AGO3: variants seen among roughly 807,000 people sequenced by gnomAD.
The protein encoded by AGO3 is protein argonaute-3.
A neutral mutation model predicts 105.5 loss-of-function variants in AGO3; 16 were observed. The ratio of observed to expected loss-of-function variants is 0.15; its 90% CI spans 0.10 to 0.23. The LOEUF (loss-of-function observed/expected upper bound fraction) is 0.23. Ranked by LOEUF, AGO3 falls within the 10% of genes least tolerant of loss-of-function variation. AGO3 has a pLI of 1.00. For missense variants in AGO3, 534 were observed against 1,088.0 expected (o/e 0.49, Z 7.16); for synonymous variants, 340 against 367.3 (o/e 0.93, Z 0.85).
chr1:35,964,035 G>T (rs187149727), intron 2 of AGO3, among the ~76,000 whole-genome samples: 1 of 151,974 alleles, frequency 6.6e-6, no homozygotes, highest in African/African-American at 2.4e-5. Flanking sequence ...TATGTGTTAG[G>T]CATCAAAGCA....
intron 17 of AGO3, among the ~76,000 whole-genome samples, chr1:36,044,900 G>A (rs1321818278): frequency 2.0e-5 from 3 of 152,198 alleles, no homozygotes; most frequent in Non-Finnish European, 4.4e-5. Context: ...GGATGTCTGA[G>A]AGTCTATAAC....
intron 5 of AGO3, among the ~76,000 whole-genome samples, chr1:35,974,150 A>G (rs1646917046): frequency 6.6e-6 from 1 of 152,214 alleles, no homozygotes; most frequent in South Asian, 2.1e-4. Context: ...ATTTTCTTAT[A>G]GCAGCAATGG....
At chr1:35,931,001 C>T (rs568394282), upstream of AGO3, 2 of 353,406 alleles carry the variant, frequency 5.7e-6, no homozygotes, top group Admixed American at 4.7e-5. Context: ...CGCTCCTGCC[C>T]CGACGTCGCT....
intron 1 of AGO3, among the ~76,000 whole-genome samples, chr1:35,931,688 C>T (rs534429703): frequency 2.6e-5 from 4 of 152,382 alleles, no homozygotes; most frequent in South Asian, 4.1e-4. Context: ...TTGGGGTTAT[C>T]TAGGCGGCAT....
chr1:35,973,495 G>C lies in AGO3; in HGVS notation c.642G>C (p.Met214Ile), dbSNP rs761675753. Residue 214 changes from methionine (M) to isoleucine (I), a missense_variant, in exon 5 of 19, where the codon ATG becomes ATC. Coordinates refer to ENST00000373191, the MANE Select transcript of AGO3 (RefSeq NM_024852.4). ...HQSVRPAMWK[M>I]MLNIDVSATA... ...CTGTTCGGCCTGCCATGTGGAAAAT[G>C]ATGCTTAATATCGATGGTAAGGGAA... is the stretch of plus-strand genomic sequence containing the variant. The C allele has an allele frequency of 6.3e-7, 1 of 1,582,850 alleles. No individual in the cohort carries two copies. Among genetic ancestry groups the C allele is most frequent in the Non-Finnish European group, 8.6e-7 (1 of 1,160,710 alleles).
rs1439456359 is a variant in AGO3, at chr1:36,027,216, G to T, written c.1509G>T (p.Glu503Asp). 1 of 1,614,078 alleles carries T rather than the reference G, an allele frequency of 6.2e-7. No individual in the cohort carries two copies. Among genetic ancestry groups the T allele is most frequent in the Non-Finnish European group, 8.5e-7 (1 of 1,180,048 alleles). ...ATGCACAGGGGGCAGACAGCGTAGAGCCCATGTTCCGGCATCTCAAGAACA... is the reference window on the plus strand; with the variant it reads ...ATGCACAGGGGGCAGACAGCGTAGATCCCATGTTCCGGCATCTCAAGAACA... Reference protein sequence around the residue: ...CKYAQGADSVEPMFRHLKNTY... With the variant: ...CKYAQGADSVDPMFRHLKNTY... The change falls in exon 12 of 19, where the codon GAG (glutamate) becomes GAT (aspartate). Residue 503 changes from glutamate (E) to aspartate (D), a missense_variant. Coordinates refer to ENST00000373191, the MANE Select transcript of AGO3 (RefSeq NM_024852.4). The surrounding 1 kb of genome is among the most constrained non-coding windows in gnomAD (Gnocchi z 4.0).
At chr1:35,957,958 C>T (rs1195929755) in intron 2 of AGO3, among the ~76,000 whole-genome samples, 4 of 152,002 alleles carry the variant, frequency 2.6e-5, no homozygotes, top group African/African-American at 9.7e-5. Context: ...CCTAGCTACT[C>T]AGGAGGCTGA....
At chr1:35,988,490 A>G (rs1557667590) in intron 5 of AGO3, among the ~76,000 whole-genome samples, 1 of 151,924 alleles carries the variant, frequency 6.6e-6, no homozygotes, top group Non-Finnish European at 1.5e-5. Context: ...TGTTTCTGTG[A>G]GTTGAGCTTT....
intron 10 of AGO3, 77 bp downstream of exon 10, chr1:36,013,829 T>G: frequency 6.2e-7 from 1 of 1,601,140 alleles, no homozygotes; most frequent in Non-Finnish European, 8.5e-7. Flanking sequence ...CAGAAATATT[T>G]CAATTCAGCG....
intron 9 of AGO3, 40 bp downstream of exon 9, chr1:36,009,634 T>C: frequency 6.3e-7 from 1 of 1,582,892 alleles, no homozygotes; most frequent in Non-Finnish European, 8.6e-7. Flanking sequence ...TAAAACATAT[T>C]AGGGTGAACT....
chr1:35,945,609 A>G (rs1646348606), intron 1 of AGO3, 83 bp from the exon 2 acceptor site: 7 of 1,398,076 alleles, frequency 5.0e-6, no homozygotes, highest in Non-Finnish European at 6.9e-6. Flanking sequence ...AGCTGTACTT[A>G]TAATTCTAAT....
Position 36,008,848 on chromosome 1 carries a change from C to G in AGO3, c.882-49C>G, listed in dbSNP as rs777194775. ...CTAGTTAGTGGGGTTGGGAGTTTTT[C>G]TGGCTCATAATGGGCAAGAATTGTT... On this transcript the variant is annotated intron_variant, in intron 7 of 18. Transcript: ENST00000373191. The surrounding 1 kb of genome is among the most constrained non-coding windows in gnomAD (Gnocchi z 5.1). 1 of 1,614,002 alleles carries G rather than the reference C, an allele frequency of 6.2e-7. No individual in the cohort carries two copies. Among genetic ancestry groups the G allele is most frequent in the Non-Finnish European group, 8.5e-7 (1 of 1,179,998 alleles).
Position 36,013,691 on chromosome 1 carries a change from A to G in AGO3, c.1211A>G (p.Asp404Gly). Reference sequence around the variant, plus strand: ...CAGGAGTTTCAATTTAAAGTTCGGGATGAAATGGCTCATGTAACTGGACGC... The same window carrying G: ...CAGGAGTTTCAATTTAAAGTTCGGGGTGAAATGGCTCATGTAACTGGACGC... ...FVQEFQFKVR[D>G]EMAHVTGRVL... Residue 404 changes from aspartate to glycine, a missense_variant, in exon 10 of 19, where the codon GAT becomes GGT. Physicochemically the swap from Asp to Gly is moderately conservative, Grantham distance 94 (BLOSUM62 -1). Coordinates refer to ENST00000373191, the MANE Select transcript of AGO3 (RefSeq NM_024852.4). 6.2e-7 allele frequency: 1 copy of G among 1,614,214 alleles called. No individual in the cohort carries two copies. Among genetic ancestry groups the G allele is most frequent in the South Asian group, 1.1e-5 (1 of 91,084 alleles).
chr1:36,035,242 A>G (rs561296831), intron 13 of AGO3, among the ~76,000 whole-genome samples: 1 of 152,286 alleles, frequency 6.6e-6, no homozygotes, highest in Non-Finnish European at 1.5e-5. Flanking sequence ...CTACAAAAAA[A>G]TAGAAAGATT....
chr1:36,015,568 G>A (rs1320382676), intron 11 of AGO3, among the ~76,000 whole-genome samples: 1 of 152,152 alleles, frequency 6.6e-6, no homozygotes, highest in East Asian at 1.9e-4. Flanking sequence ...GCTACCTATA[G>A]GCTACCAGCC....
intron 8 of AGO3, 148 bp from the exon 9 acceptor site, chr1:36,009,327 C>G (rs1336390244): frequency 5.2e-6 from 5 of 966,908 alleles, no homozygotes; most frequent in Non-Finnish European, 7.5e-6. Context: ...GTAGAGCTGT[C>G]TTGTTTACTA....
chr1:35,985,999 C>T (rs1208309911), intron 5 of AGO3, among the ~76,000 whole-genome samples: 2 of 152,154 alleles, frequency 1.3e-5, no homozygotes, highest in African/African-American at 4.8e-5. Flanking sequence ...CCATTTTCTA[C>T]GCATCAGATT....
chr1:35,973,647 C>A lies in AGO3; in HGVS notation c.658+136C>A, dbSNP rs546138443. 1.1e-4 allele frequency: 112 copies of A among 1,024,248 alleles called. 1 individual carries two copies. In the South Asian group the frequency reaches 3.6e-3, roughly 32 times the overall value. The allele number at this position is 1,024,248 out of a possible 1,614,324, so 63.4% of individuals were successfully genotyped here. On this transcript the variant is annotated intron_variant, in intron 5 of 18. Coordinates refer to ENST00000373191, the MANE Select transcript of AGO3 (RefSeq NM_024852.4). The stretch of plus-strand genomic sequence containing the variant: ...CATGTATTATGATCTACTGGAGAAA[C>A]CTTTATATTTTTATTACATTTCATT...
chr1:35,968,645 T>A (rs1264880296), intron 3 of AGO3, among the ~76,000 whole-genome samples: 6 of 152,212 alleles, frequency 3.9e-5, no homozygotes, highest in Admixed American at 3.9e-4. Flanking sequence ...ATTTTGTTAA[T>A]CCCTTCATGC....
Sources: allele counts gnomAD v4.1 joint callset (sites outside exome capture counted in the v4.1 genomes callset), GRCh38; gene constraint gnomAD v4.1.1; non-coding constraint Gnocchi (gnomAD v3.1); transcripts MANE v1.5; gene names NCBI Gene and HGNC (gene_info 2026-07-23, HGNC 2026-07-21).